Variants in ELL observed in about 807,000 individuals in gnomAD.
ELL encodes the protein elongation factor for RNA polymerase II, also known as RNA polymerase II elongation factor ELL.
In ELL, 18 loss-of-function variants were observed where a neutral mutation model predicts 64.0. The observed-to-expected ratio is 0.28, with a 90% confidence interval of 0.19 to 0.42. The LOEUF (loss-of-function observed/expected upper bound fraction) is 0.42, where lower values mean the gene tolerates loss of function less well. Among genes scored for constraint, ELL ranks in the 10% least tolerant of loss-of-function variants. ELL has a pLI of 1.00. For synonymous variants in ELL, 399 were observed against 376.2 expected, an observed-to-expected ratio of 1.06 and a Z score of -0.70; for missense variants, 797 against 870.4, an observed-to-expected ratio of 0.92 and a Z score of 1.06.
At position 18,465,880 on chromosome 19, in the gene ELL, C is replaced by CT. The variant is rs1974924552; in HGVS notation, c.221_222insA (p.Arg75AlafsTer135). The CT allele has an allele frequency of 2.3e-6, 3 of 1,331,882 alleles. No individual in the cohort carries two copies. The highest frequency in any genetic ancestry group is 2.9e-6 in the Non-Finnish European group (3 of 1,032,386). The allele number at this position is 1,331,882 out of a possible 1,614,324, so 82.5% of individuals were successfully genotyped here. On this transcript the variant is annotated frameshift_variant, in exon 3 of 12. Coordinates refer to ENST00000262809, the MANE Select transcript of ELL (RefSeq NM_006532.4). LOFTEE classifies it high-confidence loss of function. ...TGGAGAGGTAGAAGGAGAACGTCCG[C>CT]GCCTCTGCGGGGCAGTCAGGCTGGG...
At chr19:18,459,448 C>A (rs1489130054) in intron 5 of ELL, among the ~76,000 whole-genome samples, 1 of 152,212 alleles carries the variant, frequency 6.6e-6, no homozygotes, top group Non-Finnish European at 1.5e-5. Flanking sequence ...CTCCATCTTG[C>A]TGCAGGCATA....
intron 1 of ELL, among the ~76,000 whole-genome samples, chr19:18,515,723 G>A (rs995847499): frequency 6.6e-6 from 1 of 152,126 alleles, no homozygotes; most frequent in Admixed American, 6.6e-5. Context: ...TTGGGGACGC[G>A]GAAAGTTGCA....
intron 4 of ELL, among the ~76,000 whole-genome samples, chr19:18,464,783 G>A (rs990865073): frequency 3.9e-5 from 6 of 152,208 alleles, no homozygotes; most frequent in Non-Finnish European, 7.3e-5. Flanking sequence ...ACTAAGAGGC[G>A]GGGTGCTGCA....
Position 18,464,199 on chromosome 19 carries a change from T to C in ELL, c.469+1213A>G, listed in dbSNP as rs1032507654. ...GCCTGTGCAACATAGCGAGGCTCTG[T>C]CTCTACAAAAAATCTAAAAGTTAGC... On this transcript the variant is annotated intron_variant, in intron 4 of 11. Transcript: ENST00000262809. 2.7e-5 allele frequency among the ~76,000 whole-genome samples: 4 copies of C among 150,916 alleles called. No individual in the cohort carries two copies. The South Asian group carries it at 6.3e-4, about 24-fold the overall frequency.
intron 1 of ELL, among the ~76,000 whole-genome samples, chr19:18,493,436 G>C (rs1320777425): frequency 4.6e-5 from 7 of 152,270 alleles, no homozygotes; most frequent in Non-Finnish European, 7.3e-5. Flanking sequence ...CCAGGGCAGG[G>C]AGGGCTGGCT....
chr19:18,493,916 G>A (rs938653603), intron 1 of ELL, among the ~76,000 whole-genome samples: 3 of 152,192 alleles, frequency 2.0e-5, no homozygotes, highest in African/African-American at 2.4e-5. Context: ...TCTAACCTAC[G>A]AGGGCACAGT....
At position 18,444,557 on chromosome 19, in the gene ELL, G is replaced by T. The variant is rs755161946; in HGVS notation, c.*195C>A. ...GGGGAGCCCATCATAAGCAGGGACT[G>T]CTCAGGAAGCGCAGGGAGGGCCGAG... On this transcript the variant is annotated 3_prime_UTR_variant, in exon 12 of 12. Coordinates refer to ENST00000262809, the MANE Select transcript of ELL (RefSeq NM_006532.4). The T allele has an allele frequency of 6.0e-5, 34 of 564,496 alleles. No homozygotes were observed. Among genetic ancestry groups the T allele is most frequent in the Non-Finnish European group, 6.5e-5 (21 of 322,624 alleles). 35.0% of individuals were successfully genotyped at this position (564,496 alleles called of 1,614,324 possible).
At chr19:18,475,190 A>G (rs957497133) in intron 1 of ELL, among the ~76,000 whole-genome samples, 2 of 152,230 alleles carry the variant, frequency 1.3e-5, no homozygotes, top group African/African-American at 4.8e-5. Flanking sequence ...GGGACCAATT[A>G]AGGTGTGAAA....
intron 1 of ELL, among the ~76,000 whole-genome samples, chr19:18,521,475 G>C (rs1021227587): frequency 1.3e-5 from 2 of 151,962 alleles, no homozygotes; most frequent in African/African-American, 4.8e-5. Context: ...GACAGACACA[G>C]TCACCCCCAC....
At chr19:18,466,384 C>G (rs1178355451) in intron 2 of ELL, among the ~76,000 whole-genome samples, 1 of 152,220 alleles carries the variant, frequency 6.6e-6, no homozygotes, top group East Asian at 1.9e-4. Flanking sequence ...CCTTGGCGAC[C>G]CCCTCTCAGC....
chr19:18,459,311 A>C (rs1306808652), intron 5 of ELL, among the ~76,000 whole-genome samples: 1 of 152,116 alleles, frequency 6.6e-6, no homozygotes, highest in Non-Finnish European at 1.5e-5. Flanking sequence ...CGGTTGACCA[A>C]AGCTAAGTTC....
intron 6 of ELL, among the ~76,000 whole-genome samples, chr19:18,455,383 C>T (rs772624417): frequency 6.7e-6 from 1 of 149,510 alleles, no homozygotes; most frequent in Non-Finnish European, 1.5e-5. Flanking sequence ...CCCAGCTACT[C>T]GGGAAGCTGA....
In ELL at chr19:18,455,107, C is replaced by T. The variant is rs193192480; in HGVS notation, c.869+3098G>A. 1.3e-4 allele frequency among the ~76,000 whole-genome samples: 19 copies of T among 147,408 alleles called. No individual in the cohort carries two copies. The East Asian group carries it at 3.7e-3, about 29-fold the overall frequency. On this transcript the variant is annotated intron_variant, in intron 6 of 11. Transcript: ENST00000262809. ...AGTGAGCCAAGATTGCGCCACTGCACTCCAGGTTGGGCGATAGGGTGAGAG... is the reference window on the plus strand; with the variant it reads ...AGTGAGCCAAGATTGCGCCACTGCATTCCAGGTTGGGCGATAGGGTGAGAG...
chr19:18,458,090 G>T, intron 6 of ELL, 115 bp downstream of exon 6: 1 of 1,532,350 alleles, frequency 6.5e-7, no homozygotes. Flanking sequence ...CTTCCATCCT[G>T]CTCCCAAGCC....
At chr19:18,460,976 G>T (rs555410755) in intron 5 of ELL, among the ~76,000 whole-genome samples, 15 of 152,290 alleles carry the variant, frequency 9.8e-5, no homozygotes, top group East Asian at 3.9e-4. Flanking sequence ...ATGGGTGAGG[G>T]GGGTGGAAGG....
intron 4 of ELL, 82 bp from the exon 5 acceptor site, chr19:18,461,934 G>C: frequency 6.5e-7 from 1 of 1,527,132 alleles, no homozygotes; most frequent in South Asian, 1.2e-5. Flanking sequence ...GTGCCCAGAG[G>C]TTTGAGACTA....
At position 18,461,568 on chromosome 19, in the gene ELL, C is replaced by T. The variant is rs996245465; in HGVS notation, c.744+10G>A. On this transcript the variant is annotated intron_variant, in intron 5 of 11. Transcript: ENST00000262809. ...CACTGGTAAAGACAAGACATCGGGG[C>T]GGCACCCACCTGCTGGAGGAGGCCA... 5.0e-6 allele frequency: 8 copies of T among 1,589,004 alleles called. No homozygotes were observed. The highest frequency in any genetic ancestry group is 2.2e-5 in the East Asian group (1 of 44,746).
chr19:18,495,614 G>A (rs759927647), intron 1 of ELL, among the ~76,000 whole-genome samples: 4 of 152,226 alleles, frequency 2.6e-5, no homozygotes, highest in Non-Finnish European at 5.9e-5. Context: ...CGGAGACAGG[G>A]CTGGTAGGCA....
chr19:18,469,313 C>T (rs2144925985), intron 2 of ELL, among the ~76,000 whole-genome samples: 1 of 152,340 alleles, frequency 6.6e-6, no homozygotes, highest in South Asian at 2.1e-4. Flanking sequence ...CTATGGAGCC[C>T]TCTGATTAAC....
Sources: allele counts gnomAD v4.1 joint callset (sites outside exome capture counted in the v4.1 genomes callset), GRCh38; gene constraint gnomAD v4.1.1; transcripts MANE v1.5; gene names NCBI Gene and HGNC (gene_info 2026-07-23, HGNC 2026-07-21).